The following RAB6A variants were observed in gnomAD, a reference collection of about 807,000 sequenced individuals.
RAB6A encodes the protein ras-related protein Rab-6A.
A neutral mutation model predicts 32.3 loss-of-function variants in RAB6A; 8 were observed. The observed-to-expected ratio is 0.25, with a 90% CI of 0.15 to 0.45. The LOEUF (loss-of-function observed/expected upper bound fraction) is 0.45. Ranked by LOEUF, RAB6A falls within the 20% of genes least tolerant of loss-of-function variation. The probability of loss-of-function intolerance (pLI) is 1.00; values close to 1 mark genes in which losing one functional copy is unlikely to be tolerated. For synonymous variants in RAB6A, 73 were observed against 82.1 expected (o/e 0.89, Z 0.60); for missense variants, 104 against 249.4 (o/e 0.42, Z 3.93).
chr11:73,756,150 T>G (rs1300683196), intron 1 of RAB6A, among the ~76,000 whole-genome samples: 2 of 151,752 alleles, frequency 1.3e-5, no homozygotes, highest in Non-Finnish European at 2.9e-5. Context: ...CTCAAAACTT[T>G]GAGACCAGCC....
chr11:73,699,247 G>A (rs527660210), intron 6 of RAB6A, among the ~76,000 whole-genome samples: 56 of 151,672 alleles, frequency 3.7e-4, no homozygotes, highest in African/African-American at 1.2e-3. Flanking sequence ...GCCAGCATTC[G>A]TTTTGCTTCT....
intron 1 of RAB6A, among the ~76,000 whole-genome samples, chr11:73,742,941 C>T (rs1010768371): frequency 9.9e-5 from 15 of 152,064 alleles, no homozygotes; most frequent in African/African-American, 3.6e-4. Context: ...AAAGCCCTGA[C>T]CTGAAAGGAG....
chr11:73,757,686 C>T (rs1280006782), intron 1 of RAB6A, among the ~76,000 whole-genome samples: 5 of 152,134 alleles, frequency 3.3e-5, no homozygotes, highest in Non-Finnish European at 7.4e-5. Context: ...GGCCTCTAAA[C>T]GATTGGTTTC....
rs552116992 is a variant in RAB6A at position 73,677,545 on chromosome 11, C to T, written c.*353G>A. The T allele has an allele frequency of 5.9e-5, 28 of 478,136 alleles. No homozygotes were observed. Among genetic ancestry groups the T allele is most frequent in the Admixed American group, 5.6e-4 (14 of 25,218 alleles). The allele number at this position is 478,136 out of a possible 1,614,324, so 29.6% of individuals were successfully genotyped here. ...GAGATAAAGTAGGCTGTGAACATAC[C>T]GCTCGTTAACCAAGCCATACTCATA... is the stretch of plus-strand genomic sequence containing the variant. On this transcript the variant is annotated 3_prime_UTR_variant, in exon 8 of 8. Coordinates refer to ENST00000336083, the MANE Select transcript of RAB6A (RefSeq NM_198896.2).
chr11:73,713,704 TAA>T (rs1176880765), intron 5 of RAB6A, among the ~76,000 whole-genome samples: 1 of 152,220 alleles, frequency 6.6e-6, no homozygotes, highest in Non-Finnish European at 1.5e-5. Context: ...GTCATGCTTA[TAA>T]AAGCCCAAAA....
intron 1 of RAB6A, among the ~76,000 whole-genome samples, chr11:73,739,460 G>A (rs1946460859): frequency 1.3e-5 from 2 of 149,384 alleles, no homozygotes; most frequent in African/African-American, 4.9e-5. Context: ...TGAGCCACCA[G>A]TGCACTCAGC....
rs1174787629 is a variant in RAB6A, at chr11:73,760,924, G to A, written c.-289C>T. On this transcript the variant is annotated 5_prime_UTR_variant, in exon 1 of 8. Coordinates refer to ENST00000336083, the MANE Select transcript of RAB6A (RefSeq NM_198896.2). ...GTGTCCTCTGGCTTCCCAAAGCTAGGGCCGTTCCCTCCTTCCGCACTCGGC... is the reference window on the plus strand; with the variant it reads ...GTGTCCTCTGGCTTCCCAAAGCTAGAGCCGTTCCCTCCTTCCGCACTCGGC... 1.1e-5 allele frequency: 4 copies of A among 371,458 alleles called. No homozygotes were observed. Among genetic ancestry groups the A allele is most frequent in the African/African-American group, 8.4e-5 (4 of 47,500 alleles). The allele number at this position is 371,458 out of a possible 1,614,324, so 23.0% of individuals were successfully genotyped here. A position where few individuals can be genotyped will look rare whatever the true frequency, so the allele number is the denominator to read the frequency against.
intron 6 of RAB6A, among the ~76,000 whole-genome samples, chr11:73,698,364 C>T (rs1021072212): frequency 1.1e-4 from 17 of 152,186 alleles, no homozygotes; most frequent in African/African-American, 4.1e-4. Context: ...TAGACCTGGG[C>T]TCACATTGCA....
intron 6 of RAB6A, among the ~76,000 whole-genome samples, chr11:73,693,656 C>T (rs1206264717): frequency 6.7e-6 from 1 of 149,840 alleles, no homozygotes; most frequent in Non-Finnish European, 1.5e-5. Flanking sequence ...GAGCCCAAGG[C>T]AGGAGATCAC....
At chr11:73,735,189 CACA>C (rs1946375613) in intron 1 of RAB6A, among the ~76,000 whole-genome samples, 1 of 152,180 alleles carries the variant, frequency 6.6e-6, no homozygotes, top group Admixed American at 6.6e-5. Flanking sequence ...GAAGGCCAGA[CACA>C]ACAATGATCT....
chr11:73,733,627 G>A (rs1437420852), intron 1 of RAB6A, among the ~76,000 whole-genome samples: 1 of 151,622 alleles, frequency 6.6e-6, no homozygotes, highest in Non-Finnish European at 1.5e-5. Context: ...GTCATAAAAT[G>A]AAATATTACA....
chr11:73,732,817 C>T (rs1007049419), intron 1 of RAB6A, among the ~76,000 whole-genome samples: 4 of 151,334 alleles, frequency 2.6e-5, no homozygotes, highest in Non-Finnish European at 5.9e-5. Flanking sequence ...CAGTGATTTT[C>T]TTTTTTTTCC....
At position 73,760,558 on chromosome 11, in the gene RAB6A, G is replaced by A; in HGVS notation, c.70+8C>T. 4 of 1,603,584 alleles carry A rather than the reference G, an allele frequency of 2.5e-6. No individual in the cohort carries two copies. The highest frequency in any genetic ancestry group is 2.2e-5 in the East Asian group (1 of 44,448). ...CAGCTGCCAGGAGTAGGGGAGCCAC[G>A]CACTCACCGCTTTGCTCCCCCAGGA... On this transcript the variant is annotated splice_region_variant and intron_variant, in intron 1 of 7. Transcript: ENST00000336083.
At chr11:73,753,118 C>T (rs1345312500) in intron 1 of RAB6A, among the ~76,000 whole-genome samples, 1 of 152,016 alleles carries the variant, frequency 6.6e-6, no homozygotes, top group African/African-American at 2.4e-5. Context: ...AGCGCAATGG[C>T]GAATGCCTCT....
At chr11:73,733,259 G>GTATTT (rs762874135) in intron 1 of RAB6A, among the ~76,000 whole-genome samples, 74 of 152,068 alleles carry the variant, frequency 4.9e-4, no homozygotes, top group Non-Finnish European at 9.4e-4. Flanking sequence ...TTCTCCAGCT[G>GTATTT]TATTTTAGGC....
rs910957831 is a variant in RAB6A at position 73,737,822 on chromosome 11, G to A, written c.71-6999C>T. Among the ~76,000 whole-genome samples, 7 of 151,454 alleles carry A rather than the reference G, an allele frequency of 4.6e-5. No individual in the cohort carries two copies. The East Asian group carries it at 7.8e-4, about 17-fold the overall frequency. On this transcript the variant is annotated intron_variant, in intron 1 of 7. Coordinates refer to ENST00000336083, the MANE Select transcript of RAB6A (RefSeq NM_198896.2). ...AGCCTGGCCAACATGGTGAAACCCC[G>A]TCTCTACTTAAAAAAAATACAAAAA...
At chr11:73,697,344 T>TC (rs1297407647) in intron 6 of RAB6A, among the ~76,000 whole-genome samples, 1 of 152,142 alleles carries the variant, frequency 6.6e-6, no homozygotes, top group Non-Finnish European at 1.5e-5. Context: ...TCTTTTTTTT[T>TC]CTTTTTGAAA....
chr11:73,693,579 A>T (rs79760888), intron 6 of RAB6A, among the ~76,000 whole-genome samples: 8 of 137,026 alleles, frequency 5.8e-5, no homozygotes, highest in African/African-American at 8.6e-5. Context: ...TTTTTTTTTT[A>T]AAGAAGAAAG....
At chr11:73,722,679 G>C (rs1946160341) in intron 2 of RAB6A, 1 of 151,860 alleles carries the variant, frequency 6.6e-6, no homozygotes, top group Non-Finnish European at 1.5e-5. Flanking sequence ...ATGTTGATAA[G>C]TCTTTACATG....
Sources: gnomAD v4.1 joint callset for allele counts (sites outside exome capture counted in the v4.1 genomes callset) on GRCh38, gnomAD v4.1.1 for gene constraint, MANE v1.5 for transcripts, NCBI Gene and HGNC (gene_info 2026-07-23, HGNC 2026-07-21) for gene names.